DPP10: variants seen among roughly 807,000 people sequenced by gnomAD.
DPP10 encodes the protein dipeptidyl peptidase like 10, also known as inactive dipeptidyl peptidase 10.
A neutral mutation model predicts 120.9 loss-of-function variants in DPP10; 33 were observed. The observed-to-expected ratio is 0.27, with a 90% CI of 0.21 to 0.37. The LOEUF (loss-of-function observed/expected upper bound fraction) is 0.37, where lower values mean the gene tolerates loss of function less well. Among genes scored for constraint, DPP10 ranks in the 10% least tolerant of loss-of-function variants. The pLI, the probability that DPP10 is intolerant of heterozygous loss-of-function variation, is 1.00. For missense variants in DPP10, 816 were observed against 942.8 expected, an observed-to-expected ratio of 0.87 and a Z score of 1.76; for synonymous variants, 337 against 326.1, an observed-to-expected ratio of 1.03 and a Z score of -0.36.
intron 3 of DPP10, among the ~76,000 whole-genome samples, chr2:115,470,413 C>T (rs1327078710): frequency 1.3e-5 from 2 of 152,006 alleles, no homozygotes; most frequent in African/African-American, 4.8e-5. Context: ...TTTCATGGCA[C>T]AGAAAAAAAC....
chr2:115,787,425 T>G (rs983496020), intron 17 of DPP10, among the ~76,000 whole-genome samples: 2 of 152,212 alleles, frequency 1.3e-5, no homozygotes, highest in African/African-American at 4.8e-5. Context: ...ATGAAAGAAC[T>G]TTGTGAATTT....
chr2:114,695,258 A>G (rs1269502722), intron 1 of DPP10, among the ~76,000 whole-genome samples: 1 of 152,020 alleles, frequency 6.6e-6, no homozygotes, highest in African/African-American at 2.4e-5. Flanking sequence ...AATCTATAGG[A>G]CTTGATGATT....
At chr2:114,904,579 TTGA>T (rs1415006947) in intron 1 of DPP10, among the ~76,000 whole-genome samples, 2 of 152,200 alleles carry the variant, frequency 1.3e-5, no homozygotes, top group Non-Finnish European at 2.9e-5. Flanking sequence ...ATTGCAAATG[TTGA>T]TGATAAAGTA....
chr2:115,366,847 G>A (rs1430993117), intron 3 of DPP10, among the ~76,000 whole-genome samples: 1 of 151,904 alleles, frequency 6.6e-6, no homozygotes, highest in Non-Finnish European at 1.5e-5. Context: ...TACCCCTTCA[G>A]CACTGAAAAC....
intron 2 of DPP10, among the ~76,000 whole-genome samples, chr2:115,331,079 T>G (rs1453757046): frequency 2.6e-5 from 4 of 152,208 alleles, no homozygotes; most frequent in East Asian, 3.9e-4. Flanking sequence ...TCTTCCATTT[T>G]TTTGTGTCCT....
rs549598945 is a variant in DPP10, at chr2:115,396,425, T to C, written c.271+52513T>C. Among the ~76,000 whole-genome samples the C allele has an allele frequency of 1.2e-3, 177 of 152,290 alleles. 1 individual carries two copies. Among genetic ancestry groups the C allele is most frequent in the African/African-American group, 4.1e-3 (171 of 41,570 alleles). Reference sequence around the variant, plus strand: ...TTTACAGAACATTTGTGAAAAATAATGTTTGGAAATGACTTGCTACGTGAA... The same window carrying C: ...TTTACAGAACATTTGTGAAAAATAACGTTTGGAAATGACTTGCTACGTGAA... On this transcript the variant is annotated intron_variant, in intron 3 of 25. Coordinates refer to ENST00000410059, the MANE Select transcript of DPP10 (RefSeq NM_020868.6).
At chr2:115,684,757 G>A (rs2090883462) in intron 5 of DPP10, among the ~76,000 whole-genome samples, 1 of 151,654 alleles carries the variant, frequency 6.6e-6, no homozygotes, top group African/African-American at 2.4e-5. Context: ...AGGTGTCTTA[G>A]GTAATAACTG....
chr2:115,431,848 G>A (rs1463909550), intron 3 of DPP10, among the ~76,000 whole-genome samples: 1 of 152,086 alleles, frequency 6.6e-6, no homozygotes, highest in Non-Finnish European at 1.5e-5. Context: ...AAATAGTCAT[G>A]TGAACTACAT....
chr2:114,755,096 G>A (rs1679604302), intron 1 of DPP10, among the ~76,000 whole-genome samples: 2 of 152,248 alleles, frequency 1.3e-5, no homozygotes, highest in African/African-American at 4.8e-5. Context: ...ATAGCTAGTT[G>A]GATATTTTGT....
intron 3 of DPP10, among the ~76,000 whole-genome samples, chr2:115,402,701 C>T (rs113859350): frequency 1.3e-5 from 2 of 150,494 alleles, no homozygotes; most frequent in African/African-American, 4.9e-5. Context: ...TTCACTGCTA[C>T]ATTCTACTAA....
chr2:115,329,429 G>T (rs1012928621), intron 2 of DPP10, among the ~76,000 whole-genome samples: 5 of 151,750 alleles, frequency 3.3e-5, no homozygotes, highest in African/African-American at 1.2e-4. Flanking sequence ...GTCAAAAGTA[G>T]TTCTTGCTTT....
intron 1 of DPP10, among the ~76,000 whole-genome samples, chr2:114,985,066 T>A (rs76670051): frequency 0.02 from 3,105 of 152,302 alleles, 108 homozygotes; most frequent in African/African-American, 0.069. Context: ...AAGTTCAAAC[T>A]CCTTGTCAAG....
At chr2:114,944,176 G>A (rs1697182053) in intron 1 of DPP10, among the ~76,000 whole-genome samples, 1 of 151,764 alleles carries the variant, frequency 6.6e-6, no homozygotes, top group African/African-American at 2.4e-5. Flanking sequence ...TCTTTCCCTG[G>A]GTATGCACAT....
At chr2:115,809,372 C>T (rs958380082) in intron 19 of DPP10, among the ~76,000 whole-genome samples, 4 of 152,010 alleles carry the variant, frequency 2.6e-5, no homozygotes, top group African/African-American at 9.7e-5. Flanking sequence ...TTAATTAAAC[C>T]AAGGCAAATA....
At chr2:115,522,040 G>T (rs1558793416) in intron 4 of DPP10, among the ~76,000 whole-genome samples, 2 of 152,008 alleles carry the variant, frequency 1.3e-5, no homozygotes, top group Non-Finnish European at 2.9e-5. Flanking sequence ...ACAGAATCTG[G>T]CCCCCAAGTA....
At chr2:114,532,305 A>G (rs1686083240) in intron 1 of DPP10, among the ~76,000 whole-genome samples, 1 of 136,554 alleles carries the variant, frequency 7.3e-6, no homozygotes, top group South Asian at 2.3e-4. Context: ...ATACACACAC[A>G]CACACACACA....
chr2:115,238,035 G>C (rs536978280), intron 1 of DPP10, among the ~76,000 whole-genome samples: 1 of 152,316 alleles, frequency 6.6e-6, no homozygotes, highest in Admixed American at 6.5e-5. Context: ...TTTCAGTGTA[G>C]CCAAAACAGC....
intron 3 of DPP10, among the ~76,000 whole-genome samples, chr2:115,385,517 G>A (rs982288373): frequency 3.9e-5 from 6 of 151,984 alleles, no homozygotes; most frequent in Middle Eastern, 3.4e-3. Flanking sequence ...CACCATGCTC[G>A]GCTAATTTTT....
intron 1 of DPP10, among the ~76,000 whole-genome samples, chr2:114,750,285 A>AC (rs1416163752): frequency 6.6e-6 from 1 of 151,872 alleles, no homozygotes; most frequent in Non-Finnish European, 1.5e-5. Flanking sequence ...AACTGGTCTC[A>AC]CCCCAGACCA....
Sources: allele counts gnomAD v4.1 joint callset (sites outside exome capture counted in the v4.1 genomes callset), GRCh38; gene constraint gnomAD v4.1.1; transcripts MANE v1.5; gene names NCBI Gene and HGNC (gene_info 2026-07-23, HGNC 2026-07-21).